Variants in ATG13 observed in about 807,000 individuals in gnomAD.
ATG13 encodes the protein autophagy-related protein 13.
Under a neutral mutation model 65.5 loss-of-function variants are expected in ATG13, and 23 were observed. That is an observed-to-expected ratio of 0.35 (90% CI 0.25 to 0.50). The LOEUF (loss-of-function observed/expected upper bound fraction) is 0.50, where lower values mean the gene tolerates loss of function less well. ATG13 is among the 20% of genes least tolerant of loss of function. The pLI, the probability that ATG13 is intolerant of heterozygous loss-of-function variation, is 0.98. For missense variants in ATG13, 566 were observed against 677.0 expected (o/e 0.84, Z 1.82); for synonymous variants, 252 against 245.2 (o/e 1.03, Z -0.26).
Position 46,665,503 on chromosome 11 carries a change from G to A in ATG13, c.1120G>A (p.Ala374Thr). 6.2e-7 allele frequency: 1 copy of A among 1,614,170 alleles called. No individual in the cohort carries two copies. Among genetic ancestry groups the A allele is most frequent in the Non-Finnish European group, 8.5e-7 (1 of 1,180,000 alleles). Residue 374 changes from alanine (A) to threonine (T), a missense_variant, in exon 14 of 19, where the codon GCC (alanine) becomes ACC (threonine). Physicochemically the swap from Ala to Thr is moderately conservative, Grantham distance 58. Transcript: ENST00000683050. ...CTPSDRTHCAATPSSSEDTET... is the reference protein window; with the variant it reads ...CTPSDRTHCATTPSSSEDTET... ...CCCTTCTGACAGAACCCACTGTGCT[G>A]CCACACCCTCCAGTAGGTGAGTTCA...
chr11:46,634,718 T>C (rs1189811232), intron 2 of ATG13, among the ~76,000 whole-genome samples: 2 of 151,686 alleles, frequency 1.3e-5, no homozygotes, highest in African/African-American at 4.8e-5. Context: ...TGTTTGTTTT[T>C]TGAGACGGAG....
In ATG13 at chr11:46,650,162, C is replaced by T; in HGVS notation, c.318-15C>T. 1 of 1,612,650 alleles carries T rather than the reference C, an allele frequency of 6.2e-7. No homozygotes were observed. Among genetic ancestry groups the T allele is most frequent in the Non-Finnish European group, 8.5e-7 (1 of 1,179,000 alleles). On this transcript the variant is annotated splice_polypyrimidine_tract_variant and intron_variant, in intron 6 of 18. Coordinates refer to ENST00000683050, the MANE Select transcript of ATG13 (RefSeq NM_001346311.2). ...CTAAATAGAAGAATGCTGACCATAT[C>T]TTTGTGCCTGGCAGGTGTGATAAAG...
intron 18 of ATG13, among the ~76,000 whole-genome samples, chr11:46,671,975 C>T (rs1250512380): frequency 6.6e-6 from 1 of 152,364 alleles, no homozygotes; most frequent in East Asian, 1.9e-4. Context: ...TGTTTAATTT[C>T]TGAATCATCT....
chr11:46,635,409 G>A (rs2053605716), intron 2 of ATG13, among the ~76,000 whole-genome samples: 1 of 152,110 alleles, frequency 6.6e-6, no homozygotes. Context: ...ATCAAATCAG[G>A]GTAATTAGGA....
In ATG13 at chr11:46,622,103, A is replaced by G. The variant is rs934510109; in HGVS notation, c.-70+4213A>G. Reference sequence around the variant, plus strand: ...TATATATATATATATATATATATATATATATATATATATATATATATATAT... The same window carrying G: ...TATATATATATATATATATATATATGTATATATATATATATATATATATAT... On this transcript the variant is annotated intron_variant, in intron 1 of 18. Coordinates refer to ENST00000683050, the MANE Select transcript of ATG13 (RefSeq NM_001346311.2). Among the ~76,000 whole-genome samples, 102 of 82,080 alleles carry G rather than the reference A, an allele frequency of 1.2e-3. 1 individual carries two copies. Among genetic ancestry groups the G allele is most frequent in the African/African-American group, 4.4e-3 (95 of 21,400 alleles). 53.8% of individuals were successfully genotyped at this position (82,080 alleles called of 152,430 possible).
intron 2 of ATG13, among the ~76,000 whole-genome samples, chr11:46,631,908 C>A (rs1459605714): frequency 6.6e-6 from 1 of 152,116 alleles, no homozygotes; most frequent in African/African-American, 2.4e-5. Flanking sequence ...TAGTCTGATA[C>A]AAGTCTATGC....
At chr11:46,622,865 CTG>C (rs908030139) in intron 1 of ATG13, among the ~76,000 whole-genome samples, 2 of 152,156 alleles carry the variant, frequency 1.3e-5, no homozygotes, top group African/African-American at 4.8e-5. Flanking sequence ...TTTATATACA[CTG>C]TATGTATATA....
rs1131306 is a variant in ATG13, at chr11:46,672,968, C to G, written c.*636C>G. On this transcript the variant is annotated 3_prime_UTR_variant, in exon 19 of 19. Transcript: ENST00000683050. ...TCCCACCCCTGAAGGTCGGGAGGGTCTGAGCAGCCCTGGTGGCTGCCTGTG... is the reference window on the plus strand; with the variant it reads ...TCCCACCCCTGAAGGTCGGGAGGGTGTGAGCAGCCCTGGTGGCTGCCTGTG... 2 of 417,358 alleles carry G rather than the reference C, an allele frequency of 4.8e-6. No homozygotes were observed. Among genetic ancestry groups the G allele is most frequent in the Non-Finnish European group, 8.0e-6 (2 of 250,652 alleles). 25.9% of individuals were successfully genotyped at this position (417,358 alleles called of 1,614,324 possible).
chr11:46,629,220 G>A (rs563232106), intron 1 of ATG13, among the ~76,000 whole-genome samples: 2 of 152,060 alleles, frequency 1.3e-5, no homozygotes, highest in South Asian at 2.1e-4. Flanking sequence ...TGTGATTACC[G>A]GTGTGAGCCA....
At chr11:46,663,889 CCT>C in intron 11 of ATG13, 106 bp from the exon 12 acceptor site, 1 of 768,616 alleles carries the variant, frequency 1.3e-6, no homozygotes, top group Non-Finnish European at 2.1e-6. Context: ...TCAGTTCTGG[CCT>C]CTCTTGCTAC....
intron 12 of ATG13, 61 bp downstream of exon 12, chr11:46,664,156 T>G: frequency 8.0e-7 from 1 of 1,245,798 alleles, no homozygotes; most frequent in Non-Finnish European, 1.1e-6. Flanking sequence ...TTAAAAATTG[T>G]AAATAAATTA....
chr11:46,655,610 G>T (rs1407255979), intron 7 of ATG13, among the ~76,000 whole-genome samples: 2 of 152,184 alleles, frequency 1.3e-5, no homozygotes, highest in African/African-American at 4.8e-5. Flanking sequence ...GTGCCTTCTA[G>T]TAGCAATCCT....
intron 7 of ATG13, among the ~76,000 whole-genome samples, chr11:46,654,493 G>A (rs1483187922): frequency 1.3e-5 from 2 of 151,600 alleles, no homozygotes; most frequent in Admixed American, 1.3e-4. Flanking sequence ...GAATGAGGTG[G>A]GAGGATCGCT....
intron 6 of ATG13, 50 bp from the exon 7 acceptor site, chr11:46,650,127 A>T: frequency 6.3e-7 from 1 of 1,593,536 alleles, no homozygotes; most frequent in South Asian, 1.1e-5. Flanking sequence ...GGTCTTGTGT[A>T]GCTCCAGCGC....
chr11:46,664,733 A>C (rs558044497), intron 12 of ATG13, 116 bp from the exon 13 acceptor site: 2 of 870,184 alleles, frequency 2.3e-6, no homozygotes, highest in South Asian at 3.1e-5. Flanking sequence ...CACTGTGGGC[A>C]TGTGGGCGGG....
chr11:46,670,360 A>T (rs928359456), intron 18 of ATG13, among the ~76,000 whole-genome samples: 4 of 151,872 alleles, frequency 2.6e-5, no homozygotes, highest in Non-Finnish European at 5.9e-5. Flanking sequence ...GGGCACCTGT[A>T]ATCCCAGCCA....
Position 46,672,975 on chromosome 11 carries a change from G to C in ATG13, c.*643G>C. On this transcript the variant is annotated 3_prime_UTR_variant, in exon 19 of 19. Coordinates refer to ENST00000683050, the MANE Select transcript of ATG13 (RefSeq NM_001346311.2). ...CCTGAAGGTCGGGAGGGTCTGAGCA[G>C]CCCTGGTGGCTGCCTGTGCTCAGGT... is the stretch of plus-strand genomic sequence containing the variant. 1 of 361,754 alleles carries C rather than the reference G, an allele frequency of 2.8e-6. No individual in the cohort carries two copies. The highest frequency in any genetic ancestry group is 2.1e-5 in the African/African-American group (1 of 46,716). 22.4% of individuals were successfully genotyped at this position (361,754 alleles called of 1,614,324 possible).
At chr11:46,668,721 AT>A in intron 16 of ATG13, 72 bp from the exon 17 acceptor site, 1 of 1,505,318 alleles carries the variant, frequency 6.6e-7, no homozygotes, top group Non-Finnish European at 9.2e-7. Context: ...TCTTCCCAGA[AT>A]TTTCAGATTG....
intron 1 of ATG13, among the ~76,000 whole-genome samples, chr11:46,625,110 T>C (rs2135728060): frequency 6.6e-6 from 1 of 151,474 alleles, no homozygotes; most frequent in Middle Eastern, 3.4e-3. Flanking sequence ...GGAGGATCAC[T>C]TGAAGCCAGG....
Sources: allele counts gnomAD v4.1 joint callset (sites outside exome capture counted in the v4.1 genomes callset), GRCh38; gene constraint gnomAD v4.1.1; transcripts MANE v1.5; gene names NCBI Gene and HGNC (gene_info 2026-07-23, HGNC 2026-07-21).